EDIL3: variants seen among roughly 807,000 people sequenced by gnomAD.
EDIL3 encodes EGF like and discoidin domains 3.
EDIL3 carries 37 observed loss-of-function variants against 67.4 expected under a neutral mutation model. The ratio of observed to expected loss-of-function variants is 0.55; its 90% CI spans 0.42 to 0.72. EDIL3 has a LOEUF of 0.72. Ranked by LOEUF, EDIL3 falls within the 30% of genes least tolerant of loss-of-function variation. The probability of loss-of-function intolerance (pLI) is 0.00; values close to 1 mark genes in which losing one functional copy is unlikely to be tolerated. For synonymous variants in EDIL3, 195 were observed against 196.3 expected (o/e 0.99, Z 0.05); for missense variants, 527 against 586.3 (o/e 0.90, Z 1.04).
intron 3 of EDIL3, among the ~76,000 whole-genome samples, chr5:84,183,215 G>T: frequency 6.6e-6 from 1 of 151,834 alleles, no homozygotes; most frequent in Non-Finnish European, 1.5e-5. Context: ...AATACTGAAG[G>T]TCAGAAAGAT....
chr5:84,008,843 C>G (rs759823585), intron 9 of EDIL3, among the ~76,000 whole-genome samples: 1 of 152,086 alleles, frequency 6.6e-6, no homozygotes, highest in Non-Finnish European at 1.5e-5. Flanking sequence ...AACAGGGTCT[C>G]GCTCTGTCAC....
intron 9 of EDIL3, among the ~76,000 whole-genome samples, chr5:83,997,289 T>C (rs891656199): frequency 6.6e-6 from 1 of 152,112 alleles, no homozygotes; most frequent in Admixed American, 6.5e-5. Context: ...AGGAAGAACA[T>C]GCAGTAGTTA....
At chr5:83,994,192 T>C (rs995303893) in intron 9 of EDIL3, among the ~76,000 whole-genome samples, 2 of 152,146 alleles carry the variant, frequency 1.3e-5, no homozygotes, top group Admixed American at 6.6e-5. Flanking sequence ...AAAGCTAGGG[T>C]TATGAAACTT....
At chr5:84,141,931 A>C (rs1331097034) in intron 4 of EDIL3, among the ~76,000 whole-genome samples, 3 of 127,962 alleles carry the variant, frequency 2.3e-5, no homozygotes, top group African/African-American at 9.4e-5. Flanking sequence ...ATACACATAT[A>C]TATATATATA....
intron 10 of EDIL3, among the ~76,000 whole-genome samples, chr5:83,949,324 G>C (rs1744366779): frequency 6.6e-6 from 1 of 151,628 alleles, no homozygotes; most frequent in African/African-American, 2.4e-5. Flanking sequence ...GCAGGTGAAA[G>C]TCAAATGAAA....
chr5:84,154,529 C>T (rs1001703740), intron 4 of EDIL3, among the ~76,000 whole-genome samples: 9 of 151,656 alleles, frequency 5.9e-5, no homozygotes, highest in African/African-American at 9.7e-5. Context: ...TTTAAAATCA[C>T]GACACATTTA....
chr5:84,203,307 T>A (rs1486713461), intron 3 of EDIL3, among the ~76,000 whole-genome samples: 1 of 152,210 alleles, frequency 6.6e-6, no homozygotes, highest in African/African-American at 2.4e-5. Context: ...CTACACCTCA[T>A]GTTTGCCTAA....
intron 4 of EDIL3, among the ~76,000 whole-genome samples, chr5:84,162,002 C>T (rs1026144152): frequency 2.6e-5 from 4 of 151,992 alleles, no homozygotes; most frequent in African/African-American, 9.7e-5. Flanking sequence ...ATATCCAAGC[C>T]CAAGCACCTG....
chr5:84,085,941 G>C (rs769075173), intron 6 of EDIL3, among the ~76,000 whole-genome samples: 2 of 152,154 alleles, frequency 1.3e-5, no homozygotes, highest in African/African-American at 4.8e-5. Context: ...GCTTTGCCGC[G>C]CCTCTTTGGC....
chr5:84,014,559 C>A (rs563388578), intron 9 of EDIL3, among the ~76,000 whole-genome samples: 1 of 152,230 alleles, frequency 6.6e-6, no homozygotes, highest in South Asian at 2.1e-4. Context: ...GCAGAAGAAT[C>A]GCTTGAACCC....
chr5:84,072,524 T>G (rs1746758939), intron 6 of EDIL3, among the ~76,000 whole-genome samples: 1 of 152,180 alleles, frequency 6.6e-6, no homozygotes, highest in Non-Finnish European at 1.5e-5. Flanking sequence ...AGTTTTCATG[T>G]GATAGTGTAA....
chr5:84,299,947 T>G (rs759605892), intron 1 of EDIL3, among the ~76,000 whole-genome samples: 3 of 152,250 alleles, frequency 2.0e-5, no homozygotes, highest in Non-Finnish European at 4.4e-5. Context: ...AATATGTATA[T>G]TTTAAAAATC....
At chr5:84,340,534 C>CTCTCTCTCTATATA (rs1432966515) in intron 1 of EDIL3, among the ~76,000 whole-genome samples, 12 of 54,208 alleles carry the variant, frequency 2.2e-4, no homozygotes, top group African/African-American at 1.9e-4. Flanking sequence ...CTCTCTCTCT[C>CTCTCTCTCTATATA]TATATATATA....
chr5:83,963,414 C>T (rs1580255062), intron 9 of EDIL3, 54 bp from the exon 10 acceptor site: 1 of 1,527,868 alleles, frequency 6.5e-7, no homozygotes, highest in African/African-American at 1.4e-5. Context: ...TTGTAAACTT[C>T]CAAGTCTTTT....
At chr5:84,383,569 G>A (rs966265869) in intron 1 of EDIL3, among the ~76,000 whole-genome samples, 1 of 152,182 alleles carries the variant, frequency 6.6e-6, no homozygotes, top group African/African-American at 2.4e-5. Flanking sequence ...GGACGCGAGG[G>A]GTGGCTTGCC....
intron 9 of EDIL3, among the ~76,000 whole-genome samples, chr5:83,965,130 T>C (rs1744667897): frequency 6.6e-6 from 1 of 152,050 alleles, no homozygotes; most frequent in African/African-American, 2.4e-5. Context: ...GATCAGTCAT[T>C]GATTTTTGCA....
At chr5:84,229,976 G>T in intron 2 of EDIL3, 92 bp from the exon 3 acceptor site, 1 of 1,188,448 alleles carries the variant, frequency 8.4e-7, no homozygotes, top group South Asian at 1.4e-5. Flanking sequence ...AAGAGATATT[G>T]AGATTGAACA....
chr5:83,982,264 T>C (rs1039300457), intron 9 of EDIL3, among the ~76,000 whole-genome samples: 5 of 152,098 alleles, frequency 3.3e-5, no homozygotes, highest in African/African-American at 1.2e-4. Flanking sequence ...CTTCAACAAA[T>C]TTTATTTTGC....
rs542741813 is a variant in EDIL3, at chr5:84,071,663, G to A, written c.652-5057C>T. ...TTATAAAACCCTTTCCAGAAGGGAA[G>A]AGGATGGATTGCTGAGATTTCTCAT... On this transcript the variant is annotated intron_variant, in intron 6 of 10. Transcript: ENST00000296591. Among the ~76,000 whole-genome samples the A allele has an allele frequency of 2.0e-5, 3 of 152,328 alleles. No individual in the cohort carries two copies. In the South Asian group the frequency reaches 6.2e-4, roughly 32 times the overall value.
Sources: allele counts gnomAD v4.1 joint callset (sites outside exome capture counted in the v4.1 genomes callset), GRCh38; gene constraint gnomAD v4.1.1; transcripts MANE v1.5; gene names NCBI Gene and HGNC (gene_info 2026-07-23, HGNC 2026-07-21).